Variants in AK9 observed in about 807,000 individuals in gnomAD.
The protein encoded by AK9 is adenylate kinase domain containing 1.
A neutral mutation model predicts 239.6 loss-of-function variants in AK9; 191 were observed. The observed-to-expected ratio is 0.80, with a 90% confidence interval of 0.71 to 0.90. The LOEUF is 0.90. AK9 is among the 40% of genes least tolerant of loss of function. The probability of loss-of-function intolerance (pLI) is 0.00; values close to 1 mark genes in which losing one functional copy is unlikely to be tolerated. For synonymous variants in AK9, 689 were observed against 721.0 expected (o/e 0.96, Z 0.71); for missense variants, 1,995 against 2,214.7 (o/e 0.90, Z 1.99).
intron 27 of AK9, among the ~76,000 whole-genome samples, chr6:109,540,678 C>G (rs1000555649): frequency 2.0e-5 from 3 of 152,204 alleles, no homozygotes; most frequent in Admixed American, 2.0e-4. Flanking sequence ...CAGAAATCAC[C>G]TGTCCTCTCC....
intron 17 of AK9, among the ~76,000 whole-genome samples, chr6:109,608,927 A>G (rs1562488807): frequency 6.6e-6 from 1 of 152,164 alleles, no homozygotes; most frequent in Non-Finnish European, 1.5e-5. Flanking sequence ...GCCCATCTCA[A>G]AGGAGCATAT....
chr6:109,629,362 C>G (rs1795878076), intron 12 of AK9, among the ~76,000 whole-genome samples: 1 of 152,032 alleles, frequency 6.6e-6, no homozygotes, highest in African/African-American at 2.4e-5. Flanking sequence ...TGTTTGGATG[C>G]AAAATGGTTA....
intron 26 of AK9, 141 bp downstream of exon 26, chr6:109,545,726 C>T: frequency 9.8e-7 from 1 of 1,018,154 alleles, no homozygotes; most frequent in Non-Finnish European, 1.4e-6. Flanking sequence ...CACCTGAGCC[C>T]AGGGAAGTTG....
rs542450988 is a variant in AK9 at position 109,602,388 on chromosome 6, G to A, written c.1842+7977C>T. On this transcript the variant is annotated intron_variant, in intron 17 of 40. Coordinates refer to ENST00000424296, the MANE Select transcript of AK9 (RefSeq NM_001145128.3). ...GTTGAAAATTCTTTTCTTTAAGAAT[G>A]TTGAATATTGGCCCCCACTCTCTTC... Among the ~76,000 whole-genome samples, 23 of 152,306 alleles carry A rather than the reference G, an allele frequency of 1.5e-4. No homozygotes were observed. In the East Asian group the frequency reaches 4.4e-3, roughly 29 times the overall value.
chr6:109,583,272 G>T (rs78695888), intron 19 of AK9, among the ~76,000 whole-genome samples: 3,867 of 152,150 alleles, frequency 0.025, 93 homozygotes, highest in East Asian at 0.11. Flanking sequence ...GAAGAATTTT[G>T]CTGCCAGTTC....
chr6:109,622,168 A>G (rs1241289002), intron 12 of AK9, among the ~76,000 whole-genome samples: 3 of 145,998 alleles, frequency 2.1e-5, no homozygotes, highest in Non-Finnish European at 3.0e-5. Flanking sequence ...ATACATTTTT[A>G]TATATTTTAT....
intron 8 of AK9, among the ~76,000 whole-genome samples, chr6:109,656,328 A>C (rs1448183774): frequency 1.3e-5 from 2 of 152,232 alleles, no homozygotes; most frequent in Non-Finnish European, 2.9e-5. Flanking sequence ...ACCATAGACC[A>C]ATCAGTGTAA....
At chr6:109,501,323 T>A (rs559094576) in intron 35 of AK9, among the ~76,000 whole-genome samples, 2 of 152,210 alleles carry the variant, frequency 1.3e-5, no homozygotes, top group Admixed American at 1.3e-4. Flanking sequence ...GTCCAGGAGA[T>A]GATGTCCCCT....
At chr6:109,632,135 G>C (rs1296078980) in intron 12 of AK9, 26 of 984,500 alleles carry the variant, frequency 2.6e-5, no homozygotes, top group Non-Finnish European at 3.1e-5. Flanking sequence ...CGGTAACTCA[G>C]TGGGCTTCAC....
chr6:109,586,297 T>A (rs118096032), intron 17 of AK9, among the ~76,000 whole-genome samples: 4 of 152,272 alleles, frequency 2.6e-5, no homozygotes, highest in Non-Finnish European at 4.4e-5. Flanking sequence ...ATGCCTGTAG[T>A]ATCAGCTACA....
chr6:109,530,110 T>TAGGTCTCCA (rs1348953399), intron 28 of AK9, among the ~76,000 whole-genome samples: 1 of 152,218 alleles, frequency 6.6e-6, no homozygotes, highest in Non-Finnish European at 1.5e-5. Context: ...TCCCCTTTGA[T>TAGGTCTCCA]AGGTCTCCAA....
intron 38 of AK9, among the ~76,000 whole-genome samples, chr6:109,495,703 C>G (rs1314487038): frequency 6.6e-6 from 1 of 152,140 alleles, no homozygotes; most frequent in Non-Finnish European, 1.5e-5. Flanking sequence ...ACTTCTGACT[C>G]TCCCAAATGC....
intron 19 of AK9, among the ~76,000 whole-genome samples, chr6:109,579,888 T>A (rs1788599563): frequency 6.6e-6 from 1 of 152,178 alleles, no homozygotes; most frequent in Admixed American, 6.6e-5. Context: ...ATTACCTAAC[T>A]GTATGTTGAA....
intron 1 of AK9, among the ~76,000 whole-genome samples, chr6:109,685,004 T>C (rs1287632322): frequency 6.7e-6 from 1 of 150,062 alleles, no homozygotes; most frequent in Non-Finnish European, 1.5e-5. Flanking sequence ...CACTGGTCAT[T>C]GGAGAAACGC....
At chr6:109,497,384 T>TCTCTCTCA (rs376267541) in intron 38 of AK9, 81 bp downstream of exon 38, 3 of 457,014 alleles carry the variant, frequency 6.6e-6, no homozygotes, top group African/African-American at 6.4e-5. Context: ...TCTCTCTCTC[T>TCTCTCTCA]CACACACTCC....
At position 109,659,316 on chromosome 6, in the gene AK9, A is replaced by G. The variant is rs774916079; in HGVS notation, c.542T>C (p.Ile181Thr). The G allele has an allele frequency of 2.5e-5, 40 of 1,607,062 alleles. 1 individual carries two copies. In the South Asian group the frequency reaches 3.5e-4, roughly 14 times the overall value. The change falls in exon 7 of 41, where the codon ATT becomes ACT. Residue 181 changes from isoleucine to threonine, a missense_variant. Ile to Thr is a moderately conservative substitution (Grantham distance 89). Around this residue, in one of 5 missense-constraint regions of AK9, gnomAD observed 252 missense variants for 246.4 expected, o/e 1.02. Transcript: ENST00000424296. ...YSRDQWDPEVIENHRKKKKEA... is the reference protein window; with the variant it reads ...YSRDQWDPEVTENHRKKKKEA... ...TTTCTTCTTTTTCCTATGATTCTCA[A>G]TGACTTCAGGATCCCACTGGTCTCT...
intron 24 of AK9, among the ~76,000 whole-genome samples, chr6:109,559,267 A>G (rs968753909): frequency 1.3e-5 from 2 of 151,554 alleles, no homozygotes; most frequent in Non-Finnish European, 2.9e-5. Flanking sequence ...TCCCGGGTTC[A>G]TGCCATTCTC....
At chr6:109,503,431 C>T (rs1777794057) in intron 35 of AK9, among the ~76,000 whole-genome samples, 1 of 152,056 alleles carries the variant, frequency 6.6e-6, no homozygotes, top group Non-Finnish European at 1.5e-5. Flanking sequence ...TCTAGGTACC[C>T]TCTTCTGGAA....
chr6:109,564,214 T>G lies in AK9; in HGVS notation c.2501A>C (p.Lys834Thr), dbSNP rs201166033. The change falls in exon 23 of 41, where the codon AAG becomes ACG. Residue 834 changes from lysine to threonine, a missense_variant. Lys to Thr is a moderately conservative substitution (Grantham distance 78, BLOSUM62 -1). Coordinates refer to ENST00000424296, the MANE Select transcript of AK9 (RefSeq NM_001145128.3). ...DVPEMEPFKEKIGSFIILWKQ... is the reference protein window; with the variant it reads ...DVPEMEPFKETIGSFIILWKQ... ...CCAGAGGATGATGAAAGAACCAATC[T>G]TCTCTTTAAATGGCTCCATTTCGGG... 1.7e-3 allele frequency: 2,698 copies of G among 1,551,504 alleles called. 6 individuals carry two copies. Among genetic ancestry groups the G allele is most frequent in the Non-Finnish European group, 2.1e-3 (2,444 of 1,146,884 alleles).
Sources: gnomAD v4.1 joint callset for allele counts (sites outside exome capture counted in the v4.1 genomes callset) on GRCh38, gnomAD v4.1.1 for gene constraint, gnomAD v4.1.1 regional missense constraint, MANE v1.5 for transcripts, NCBI Gene and HGNC (gene_info 2026-07-23, HGNC 2026-07-21) for gene names.